The following ATP8A2 variants were observed in gnomAD, a reference collection of about 807,000 sequenced individuals.
ATP8A2 encodes the protein phospholipid-transporting ATPase IB.
ATP8A2 carries 100 observed loss-of-function variants against 165.6 expected under a neutral mutation model. That is an observed-to-expected ratio of 0.60 (90% CI 0.51 to 0.71). The LOEUF is 0.71. ATP8A2 is among the 30% of genes least tolerant of loss of function. The probability of loss-of-function intolerance (pLI) is 0.00; values close to 1 mark genes in which losing one functional copy is unlikely to be tolerated. For synonymous variants in ATP8A2, 543 were observed against 548.8 expected (o/e 0.99, Z 0.15); for missense variants, 1,227 against 1,479.5 (o/e 0.83, Z 2.80).
At chr13:25,414,449 C>A (rs1319716339) in intron 1 of ATP8A2, among the ~76,000 whole-genome samples, 1 of 152,140 alleles carries the variant, frequency 6.6e-6, no homozygotes, top group Non-Finnish European at 1.5e-5. Flanking sequence ...TCCTTGGCCT[C>A]CCAAAGTGCC....
At chr13:25,466,686 C>T (rs1217529759) in intron 1 of ATP8A2, among the ~76,000 whole-genome samples, 1 of 152,186 alleles carries the variant, frequency 6.6e-6, no homozygotes, top group Non-Finnish European at 1.5e-5. Context: ...TCTGAGAGGG[C>T]AGGGCCCGGG....
At chr13:25,839,687 TTC>T in intron 30 of ATP8A2, 63 bp downstream of exon 30, 1 of 1,400,452 alleles carries the variant, frequency 7.1e-7, no homozygotes, top group Admixed American at 1.7e-5. Context: ...TGCCTGTGTG[TTC>T]ACAATTTTTT....
intron 1 of ATP8A2, among the ~76,000 whole-genome samples, chr13:25,375,211 A>T (rs1361304618): frequency 6.6e-6 from 1 of 152,192 alleles, no homozygotes; most frequent in Non-Finnish European, 1.5e-5. Context: ...ACAAATATAT[A>T]TCAGTGCCTT....
rs73154523 is a variant in ATP8A2 at position 25,694,039 on chromosome 13, G to T, written c.2212-5134G>T. 2.2e-3 allele frequency among the ~76,000 whole-genome samples: 335 copies of T among 152,148 alleles called. 1 individual carries two copies. Among genetic ancestry groups the T allele is most frequent in the Middle Eastern group, 0.017 (5 of 294 alleles). Reference sequence around the variant, plus strand: ...ACCACCACGCACATCTAATTTTTTTGTATTTTTTGTATTTTTAGTAGAGAC... The same window carrying T: ...ACCACCACGCACATCTAATTTTTTTTTATTTTTTGTATTTTTAGTAGAGAC... On this transcript the variant is annotated intron_variant, in intron 24 of 36. Transcript: ENST00000381655.
rs2035767002 is a variant in ATP8A2 at position 25,469,189 on chromosome 13, G to T, written c.221+68G>T. On this transcript the variant is annotated intron_variant, in intron 2 of 36. Coordinates refer to ENST00000381655, the MANE Select transcript of ATP8A2 (RefSeq NM_016529.6). ...CAGCTGGGAAGGGGCTCGTCCTCCT[G>T]CGCGGGGCTTGGCCGCGCACCTGGC... 3 of 1,566,890 alleles carry T rather than the reference G, an allele frequency of 1.9e-6. No homozygotes were observed. In the South Asian group the frequency reaches 3.5e-5, roughly 18 times the overall value.
chr13:25,445,621 T>G (rs1309184982), intron 1 of ATP8A2, among the ~76,000 whole-genome samples: 1 of 152,232 alleles, frequency 6.6e-6, no homozygotes, highest in African/African-American at 2.4e-5. Context: ...TTACTATGCT[T>G]CTTAAATAGA....
intron 27 of ATP8A2, among the ~76,000 whole-genome samples, chr13:25,819,656 GT>G (rs199713813): frequency 0.19 from 27,462 of 143,506 alleles, 2,524 homozygotes; most frequent in Middle Eastern, 0.24. Flanking sequence ...AGGGTTTTTT[GT>G]TTTTTTTTTT....
intron 1 of ATP8A2, among the ~76,000 whole-genome samples, chr13:25,455,123 T>G (rs1370465513): frequency 6.6e-6 from 1 of 152,240 alleles, no homozygotes; most frequent in African/African-American, 2.4e-5. Context: ...ATATAATCCC[T>G]TGATTACTGC....
Position 25,507,235 on chromosome 13 carries a change from G to A in ATP8A2, c.222-22764G>A, listed in dbSNP as rs888813786. Among the ~76,000 whole-genome samples, 5 of 71,012 alleles carry A rather than the reference G, an allele frequency of 7.0e-5. No individual in the cohort carries two copies. The East Asian group carries it at 7.3e-4, about 10-fold the overall frequency. 46.6% of individuals were successfully genotyped at this position (71,012 alleles called of 152,430 possible). A position where few individuals can be genotyped will look rare whatever the true frequency, so the allele number is the denominator to read the frequency against. ...TACCATTCTTTGTGTGTGTGTGTGT[G>A]TGTGTGTGTGTGTGTGTGTGTGTGT... On this transcript the variant is annotated intron_variant, in intron 2 of 36. Transcript: ENST00000381655.
At chr13:25,647,853 A>AT (rs1408585323) in intron 24 of ATP8A2, among the ~76,000 whole-genome samples, 1 of 151,006 alleles carries the variant, frequency 6.6e-6, no homozygotes, top group Non-Finnish European at 1.5e-5. Context: ...GCCCGGCTAA[A>AT]TTTTTTTGTA....
chr13:25,579,911 T>C lies in ATP8A2; in HGVS notation c.1971T>C (p.Ala657=). The C allele has an allele frequency of 6.2e-7, 1 of 1,614,012 alleles. No homozygotes were observed. The highest frequency in any genetic ancestry group is 8.5e-7 in the Non-Finnish European group (1 of 1,179,986). Residue 657 remains alanine, a synonymous_variant, in exon 22 of 37, where the codon GCT becomes GCC. Coordinates refer to ENST00000381655, the MANE Select transcript of ATP8A2 (RefSeq NM_016529.6). ...CCAGCACCATATTGAAGGACAGAGCTCAACGGTTGGAAGAGTGTTACGAGA... is the reference window on the plus strand; with the variant it reads ...CCAGCACCATATTGAAGGACAGAGCCCAACGGTTGGAAGAGTGTTACGAGA... ...QEASTILKDR[A]QRLEECYEII...
chr13:25,919,798 C>A (rs1954390598), intron 33 of ATP8A2, among the ~76,000 whole-genome samples: 1 of 152,134 alleles, frequency 6.6e-6, no homozygotes, highest in South Asian at 2.1e-4. Context: ...CAGAGTCTTG[C>A]TCTGTTGCTC....
chr13:25,625,899 G>A (rs2041088287), intron 24 of ATP8A2, among the ~76,000 whole-genome samples: 1 of 152,138 alleles, frequency 6.6e-6, no homozygotes, highest in African/African-American at 2.4e-5. Flanking sequence ...ACCTGTCAAA[G>A]GTCACACAAC....
At chr13:25,543,078 T>C (rs2038534426) in intron 9 of ATP8A2, among the ~76,000 whole-genome samples, 1 of 152,186 alleles carries the variant, frequency 6.6e-6, no homozygotes. Flanking sequence ...AAGCATTTTT[T>C]TTCTGTAGTG....
Position 25,677,688 on chromosome 13 carries a change from G to A in ATP8A2, c.2212-21485G>A, listed in dbSNP as rs534703913. Among the ~76,000 whole-genome samples, 3 of 152,264 alleles carry A rather than the reference G, an allele frequency of 2.0e-5. No individual in the cohort carries two copies. In the South Asian group the frequency reaches 6.2e-4, roughly 32 times the overall value. On this transcript the variant is annotated intron_variant, in intron 24 of 36. Coordinates refer to ENST00000381655, the MANE Select transcript of ATP8A2 (RefSeq NM_016529.6). ...GAGGACAACGGGAGAGAGATAGGTGGCCTGTATTCTCTGTTATAGTTTTCT... is the reference window on the plus strand; with the variant it reads ...GAGGACAACGGGAGAGAGATAGGTGACCTGTATTCTCTGTTATAGTTTTCT...
chr13:25,436,124 A>T (rs930645143), intron 1 of ATP8A2, among the ~76,000 whole-genome samples: 2 of 151,632 alleles, frequency 1.3e-5, no homozygotes, highest in African/African-American at 4.9e-5. Flanking sequence ...AAATAATTTC[A>T]ACTTTTATTT....
At position 25,746,681 on chromosome 13, in the gene ATP8A2, C is replaced by T. The variant is rs370396654; in HGVS notation, c.2385-22365C>T. Among the ~76,000 whole-genome samples the T allele has an allele frequency of 1.1e-4, 17 of 152,268 alleles. No homozygotes were observed. The East Asian group carries it at 2.5e-3, about 22-fold the overall frequency. ...CAGCACCTTCTCTTCCCTGGACGGA[C>T]GTTATTCATGCCCCAGCAGCAATAA... On this transcript the variant is annotated intron_variant, in intron 25 of 36. Transcript: ENST00000381655.
At chr13:25,659,482 C>T (rs1437309647) in intron 24 of ATP8A2, among the ~76,000 whole-genome samples, 1 of 152,148 alleles carries the variant, frequency 6.6e-6, no homozygotes, top group Non-Finnish European at 1.5e-5. Flanking sequence ...TAACCTTAGA[C>T]CAAATCCCAG....
Position 25,953,477 on chromosome 13 carries a change from G to A in ATP8A2, c.3184-8098G>A. Among the ~76,000 whole-genome samples, 1 of 149,976 alleles carries A rather than the reference G, an allele frequency of 6.7e-6. No individual in the cohort carries two copies. Among genetic ancestry groups the A allele is most frequent in the Non-Finnish European group, 1.5e-5 (1 of 67,802 alleles). The stretch of plus-strand genomic sequence containing the variant: ...TCTTTTCAAATCCACGCCACATTGG[G>A]GAACACAAACTGACCTTATGTAGCC... On this transcript the variant is annotated intron_variant, in intron 33 of 36. Transcript: ENST00000381655. This position sits in a 1 kb window ranked among gnomAD's most constrained non-coding sequence, Gnocchi z 6.7.
Sources: allele counts gnomAD v4.1 joint callset (sites outside exome capture counted in the v4.1 genomes callset), GRCh38; gene constraint gnomAD v4.1.1; non-coding constraint Gnocchi (gnomAD v3.1); transcripts MANE v1.5; gene names NCBI Gene and HGNC (gene_info 2026-07-23, HGNC 2026-07-21).